The following VPS37B variants were observed in gnomAD, a reference collection of about 807,000 sequenced individuals.
VPS37B encodes vacuolar protein sorting-associated protein 37B.
VPS37B carries 11 observed loss-of-function variants against 21.2 expected under a neutral mutation model. The observed-to-expected ratio is 0.52, with a 90% CI of 0.33 to 0.86. The LOEUF (loss-of-function observed/expected upper bound fraction) is 0.86, where lower values mean the gene tolerates loss of function less well. Among genes scored for constraint, VPS37B ranks in the 40% least tolerant of loss-of-function variants. VPS37B has a pLI of 0.03. For synonymous variants in VPS37B, 175 were observed against 159.6 expected (o/e 1.10, Z -0.73); for missense variants, 389 against 374.8 (o/e 1.04, Z -0.31).
chr12:122,872,154 AC>A, intron 1 of VPS37B: 3 of 984,410 alleles, frequency 3.0e-6, no homozygotes, highest in Non-Finnish European at 3.6e-6. Flanking sequence ...TCTGCTCCCC[AC>A]CCCCAGTCAT....
intron 1 of VPS37B, chr12:122,883,574 G>C (rs981320161): frequency 2.0e-5 from 3 of 152,242 alleles, no homozygotes; most frequent in African/African-American, 4.8e-5. Flanking sequence ...TGCAACCTCT[G>C]CCTCCTGGGT....
intron 1 of VPS37B, chr12:122,888,589 G>A (rs931787095): frequency 1.3e-5 from 6 of 456,042 alleles, no homozygotes; most frequent in East Asian, 6.9e-5. Flanking sequence ...CAACAAGGCC[G>A]GCATTCCTCA....
intron 1 of VPS37B, chr12:122,883,768 C>G (rs940174781): frequency 6.6e-6 from 1 of 152,284 alleles, no homozygotes; most frequent in Admixed American, 6.5e-5. Flanking sequence ...CGTGAGCCAC[C>G]GTGCCTGGCC....
chr12:122,867,707 C>T lies in VPS37B; in HGVS notation c.367-100G>A, dbSNP rs2033935565. On this transcript the variant is annotated intron_variant, in intron 3 of 3. Coordinates refer to ENST00000267202, the MANE Select transcript of VPS37B (RefSeq NM_024667.3). The surrounding 1 kb of genome is among the most constrained non-coding windows in gnomAD (Gnocchi z 5.5). ...AGAGGCAACGCCCAGCTGCTTCCAA[C>T]ACTGCCCCCTCCCTGTAACCACCCA... 9 of 1,519,060 alleles carry T rather than the reference C, an allele frequency of 5.9e-6. 1 individual carries two copies. The South Asian group carries it at 1.0e-4, about 17-fold the overall frequency. 94.1% of individuals were successfully genotyped at this position (1,519,060 alleles called of 1,614,324 possible). A position where few individuals can be genotyped will look rare whatever the true frequency, so the allele number is the denominator to read the frequency against.
intron 1 of VPS37B, among the ~76,000 whole-genome samples, chr12:122,891,334 T>C (rs1162344260): frequency 6.6e-6 from 1 of 152,242 alleles, no homozygotes; most frequent in African/African-American, 2.4e-5. Flanking sequence ...ATGCTTCCTC[T>C]GTACCATTTC....
chr12:122,878,357 CA>C lies in VPS37B; in HGVS notation c.112-7297del, dbSNP rs142113744. 9.6e-3 allele frequency: 587 copies of C among 61,378 alleles called. 1 individual carries two copies. Among genetic ancestry groups the C allele is most frequent in the African/African-American group, 0.021 (408 of 19,140 alleles). 3.8% of individuals were successfully genotyped at this position (61,378 alleles called of 1,614,324 possible). On this transcript the variant is annotated intron_variant, in intron 1 of 3. Transcript: ENST00000267202. The stretch of plus-strand genomic sequence containing the variant: ...CTGGTGACAGAGGGAGACTCCGTCT[CA>C]AAAAAAAAAAAAAAAAGAAAAGAAA...
chr12:122,886,191 C>G (rs1342191037), intron 1 of VPS37B: 1 of 152,142 alleles, frequency 6.6e-6, no homozygotes, highest in African/African-American at 2.4e-5. Context: ...ATGTTTCTCC[C>G]CTAAATAAGC....
chr12:122,873,613 C>T (rs988891636), intron 1 of VPS37B: 1 of 152,292 alleles, frequency 6.6e-6, no homozygotes, highest in Non-Finnish European at 1.5e-5. Context: ...GAGCCAAACT[C>T]ATCAGCCCTG....
chr12:122,894,651 T>G (rs1380645421), intron 1 of VPS37B, among the ~76,000 whole-genome samples: 1 of 152,228 alleles, frequency 6.6e-6, no homozygotes, highest in African/African-American at 2.4e-5. Flanking sequence ...TGGGCCCACC[T>G]GCCTGGAGGA....
rs145575518 is a variant in VPS37B, at chr12:122,870,724, T to G, written c.283+166A>C. 5.8e-5 allele frequency: 41 copies of G among 706,682 alleles called. No homozygotes were observed. In the East Asian group the frequency reaches 1.1e-3, roughly 18 times the overall value. The allele number at this position is 706,682 out of a possible 1,614,324, so 43.8% of individuals were successfully genotyped here. A position where few individuals can be genotyped will look rare whatever the true frequency, so the allele number is the denominator to read the frequency against. ...CAGTCTGACAGAGCAAGACCCTGTC[T>G]CTAAAAATAAATAAATAATATACAT... On this transcript the variant is annotated intron_variant, in intron 2 of 3. Coordinates refer to ENST00000267202, the MANE Select transcript of VPS37B (RefSeq NM_024667.3).
chr12:122,874,536 A>T (rs1301777453), intron 1 of VPS37B: 2 of 152,244 alleles, frequency 1.3e-5, no homozygotes, highest in African/African-American at 4.8e-5. Context: ...AACACAAGGA[A>T]AGCGTGGACT....
chr12:122,871,528 C>T, intron 1 of VPS37B: 6 of 986,260 alleles, frequency 6.1e-6, no homozygotes, highest in Non-Finnish European at 7.2e-6. Context: ...GCTAAGAGGT[C>T]CAACCAGCAA....
chr12:122,871,486 T>C, intron 1 of VPS37B: 1 of 988,540 alleles, frequency 1.0e-6, no homozygotes, highest in Non-Finnish European at 1.2e-6. Context: ...GGAGACCAGT[T>C]GGCATGATGT....
At chr12:122,891,386 A>G (rs1357572255) in intron 1 of VPS37B, among the ~76,000 whole-genome samples, 2 of 152,260 alleles carry the variant, frequency 1.3e-5, no homozygotes, top group African/African-American at 4.8e-5. Context: ...AAAGATAGGC[A>G]TATTATCCTT....
chr12:122,872,554 C>T (rs535279740), intron 1 of VPS37B: 16 of 985,426 alleles, frequency 1.6e-5, no homozygotes, highest in East Asian at 1.1e-4. Context: ...CAGTTTCACT[C>T]GGGTTTCTGG....
chr12:122,878,019 C>G (rs1011921614), intron 1 of VPS37B: 1 of 152,170 alleles, frequency 6.6e-6, no homozygotes, highest in African/African-American at 2.4e-5. Flanking sequence ...AGGTTCCTTT[C>G]CTTAGGAGAG....
intron 1 of VPS37B, among the ~76,000 whole-genome samples, chr12:122,890,914 A>C (rs781056621): frequency 6.6e-6 from 1 of 152,186 alleles, no homozygotes; most frequent in Non-Finnish European, 1.5e-5. Context: ...CTGCACAGGG[A>C]AGTGTTCAAG....
intron 1 of VPS37B, chr12:122,879,506 C>T (rs574589061): frequency 6.6e-6 from 1 of 152,656 alleles, no homozygotes; most frequent in Admixed American, 6.5e-5. Context: ...TCCCGCAGGC[C>T]TGGAAGTGAG....
intron 1 of VPS37B, chr12:122,885,280 G>C (rs2034304601): frequency 6.6e-6 from 1 of 151,494 alleles, no homozygotes; most frequent in Non-Finnish European, 1.5e-5. Flanking sequence ...GTTAAATGTT[G>C]ATCACTTTAA....
Sources: allele counts gnomAD v4.1 joint callset (sites outside exome capture counted in the v4.1 genomes callset), GRCh38; gene constraint gnomAD v4.1.1; non-coding constraint Gnocchi (gnomAD v3.1); transcripts MANE v1.5; gene names NCBI Gene and HGNC (gene_info 2026-07-23, HGNC 2026-07-21).